The following HGD variants were observed in gnomAD, a reference collection of about 807,000 sequenced individuals.
HGD encodes the protein homogentisate oxidase.
Under a neutral mutation model 60.8 loss-of-function variants are expected in HGD, and 61 were observed. The observed-to-expected ratio is 1.00, with a 90% CI of 0.82 to 1.24. The LOEUF is 1.24. Ranked by LOEUF, HGD falls within the 50% of genes most tolerant of loss-of-function variation. HGD has a pLI of 0.00. For synonymous variants in HGD, 212 were observed against 187.7 expected (o/e 1.13, Z -1.06); for missense variants, 542 against 547.1 (o/e 0.99, Z 0.09).
intron 4 of HGD, among the ~76,000 whole-genome samples, chr3:120,657,095 A>G (rs1941522383): frequency 6.6e-6 from 1 of 152,216 alleles, no homozygotes; most frequent in Non-Finnish European, 1.5e-5. Context: ...GTCTCCAACT[A>G]AAATTGTGGA....
At chr3:120,679,884 T>G (rs1291505487) in intron 1 of HGD, among the ~76,000 whole-genome samples, 1 of 152,214 alleles carries the variant, frequency 6.6e-6, no homozygotes, top group African/African-American at 2.4e-5. Flanking sequence ...CCTCCACAAC[T>G]TCAAGATAAT....
chr3:120,649,425 G>A (rs540216415), intron 6 of HGD, among the ~76,000 whole-genome samples: 1 of 152,116 alleles, frequency 6.6e-6, no homozygotes, highest in South Asian at 2.1e-4. Flanking sequence ...TTACAGGCGT[G>A]ATCCACTGTG....
intron 3 of HGD, 132 bp from the exon 4 acceptor site, chr3:120,670,664 G>C: frequency 1.4e-6 from 1 of 716,546 alleles, no homozygotes; most frequent in East Asian, 2.6e-5. Flanking sequence ...GTGTGAAGCA[G>C]TGAAGCAATG....
intron 4 of HGD, among the ~76,000 whole-genome samples, chr3:120,664,813 G>A (rs543563744): frequency 1.3e-5 from 2 of 152,274 alleles, no homozygotes; most frequent in South Asian, 2.1e-4. Flanking sequence ...CAAAAAGAAA[G>A]GACTGGAAAG....
At chr3:120,633,583 G>A in intron 12 of HGD, 1 of 1,429,562 alleles carries the variant, frequency 7.0e-7, no homozygotes, top group Non-Finnish European at 9.3e-7. Context: ...ACAGGAATCA[G>A]GCTAGATCTA....
At chr3:120,677,117 T>G (rs984564813) in intron 1 of HGD, among the ~76,000 whole-genome samples, 2 of 152,220 alleles carry the variant, frequency 1.3e-5, no homozygotes, top group African/African-American at 4.8e-5. Flanking sequence ...GAGGAGGATG[T>G]ATATTGCCTC....
Position 120,670,531 on chromosome 3 carries a change from A to C in HGD, c.178T>G (p.Trp60Gly). The change falls in exon 4 of 14, where the codon TGG (tryptophan) becomes GGG (glycine). Residue 60 changes from tryptophan to glycine, a missense_variant and splice_region_variant. Coordinates refer to ENST00000283871, the MANE Select transcript of HGD (RefSeq NM_000187.4). ...ACTGAAGGTAGAATCCTATACAGCCAGCTAGAGGGAAAAACATACAAGATA... is the reference window on the plus strand; with the variant it reads ...ACTGAAGGTAGAATCCTATACAGCCCGCTAGAGGGAAAAACATACAAGATA... The part of the protein sequence containing the change: ...TCPRSTNKRS[W>G]LYRILPSVSH... 1.3e-6 allele frequency: 2 copies of C among 1,546,358 alleles called. No individual in the cohort carries two copies. Among genetic ancestry groups the C allele is most frequent in the Non-Finnish European group, 1.8e-6 (2 of 1,118,278 alleles).
At chr3:120,639,366 C>T (rs1369339360) in intron 11 of HGD, among the ~76,000 whole-genome samples, 1 of 152,228 alleles carries the variant, frequency 6.6e-6, no homozygotes, top group African/African-American at 2.4e-5. Context: ...ATCCATGTTG[C>T]TGCAAACGGA....
Position 120,647,903 on chromosome 3 carries a change from TA to T in HGD, c.442del (p.Tyr148ThrfsTer8). 6.2e-7 allele frequency: 1 copy of T among 1,611,018 alleles called. No homozygotes were observed. ...CNTSMENRCF[Y>X]NSDGDFLIVP... Reference sequence around the variant, plus strand: ...AATCAAGAAGTCCCCATCTGAATTGTAAAAGCATCTGAAACATATAGAGTAA... The same window carrying T: ...AATCAAGAAGTCCCCATCTGAATTGTAAAGCATCTGAAACATATAGAGTAA... On this transcript the variant is annotated frameshift_variant, in exon 7 of 14. Coordinates refer to ENST00000283871, the MANE Select transcript of HGD (RefSeq NM_000187.4). LOFTEE classifies it high-confidence loss of function.
At chr3:120,628,997 G>A (rs546100922) in intron 13 of HGD, among the ~76,000 whole-genome samples, 6 of 152,264 alleles carry the variant, frequency 3.9e-5, no homozygotes, top group African/African-American at 1.2e-4. Flanking sequence ...ACAAGTCATC[G>A]CAGAACTGGG....
chr3:120,634,970 G>C (rs1940712579), intron 12 of HGD, among the ~76,000 whole-genome samples: 1 of 152,182 alleles, frequency 6.6e-6, no homozygotes, highest in Non-Finnish European at 1.5e-5. Flanking sequence ...TTTAAAAACA[G>C]TTCAGCTCAT....
rs189180167 is a variant in HGD at position 120,647,263 on chromosome 3, G to A, written c.470-211C>T. On this transcript the variant is annotated intron_variant, in intron 7 of 13. Coordinates refer to ENST00000283871, the MANE Select transcript of HGD (RefSeq NM_000187.4). ...AATAAAACAATGACTCTGCTTTTTTGGTCACCAGGCAAGGAACTTGTATAT... is the reference window on the plus strand; with the variant it reads ...AATAAAACAATGACTCTGCTTTTTTAGTCACCAGGCAAGGAACTTGTATAT... Among the ~76,000 whole-genome samples the A allele has an allele frequency of 6.6e-4, 100 of 152,060 alleles. 2 individuals are homozygous for A. The East Asian group carries it at 0.018, about 28-fold the overall frequency.
chr3:120,641,550 G>T, intron 11 of HGD, 39 bp downstream of exon 11: 2 of 1,294,408 alleles, frequency 1.5e-6, no homozygotes, highest in Non-Finnish European at 2.3e-6. Flanking sequence ...CCACCCAAGC[G>T]TTGCCTCATC....
In HGD at chr3:120,633,278, T is replaced by G. The variant is rs1274142542; in HGVS notation, c.1057A>C (p.Lys353Gln). 1 of 1,614,134 alleles carries G rather than the reference T, an allele frequency of 6.2e-7. No individual in the cohort carries two copies. The highest frequency in any genetic ancestry group is 8.5e-7 in the Non-Finnish European group (1 of 1,180,020). Reference sequence around the variant, plus strand: ...CCCCCTGGCAGGAACCCACCTTGCTTTGCCTCATAGTGACCTCGGATGAGT... The same window carrying G: ...CCCCCTGGCAGGAACCCACCTTGCTGTGCCTCATAGTGACCTCGGATGAGT... ...MGLIRGHYEA[K>Q]QGGFLPGGGS... is the part of the protein sequence containing the mutation. The change falls in exon 13 of 14, where the codon AAG becomes CAG. Residue 353 changes from lysine to glutamine, a missense_variant. Lys to Gln is a moderately conservative substitution (Grantham distance 53, BLOSUM62 1). Around this residue, in one of 2 missense-constraint regions of HGD, gnomAD observed 537 missense variants for 529.1 expected, o/e 1.01. Transcript: ENST00000283871.
chr3:120,675,909 G>C (rs1488608722), intron 1 of HGD, 46 bp from the exon 2 acceptor site: 4 of 1,473,334 alleles, frequency 2.7e-6, no homozygotes, highest in Non-Finnish European at 3.8e-6. Context: ...AGGATTTAAA[G>C]AGCATTTCAG....
chr3:120,641,700 A>T lies in HGD; in HGVS notation c.775-7T>A, dbSNP rs747297821. On this transcript the variant is annotated splice_polypyrimidine_tract_variant and splice_region_variant and intron_variant, in intron 10 of 13. Coordinates refer to ENST00000283871, the MANE Select transcript of HGD (RefSeq NM_000187.4). Reference sequence around the variant, plus strand: ...CATTGAACGGGGAGACATCCTAAACACAAAAAGCAGGAAAGGATAATTTTA... The same window carrying T: ...CATTGAACGGGGAGACATCCTAAACTCAAAAAGCAGGAAAGGATAATTTTA... The T allele has an allele frequency of 7.5e-6, 12 of 1,592,860 alleles. No homozygotes were observed. The highest frequency in any genetic ancestry group is 1.0e-5 in the Non-Finnish European group (12 of 1,160,612).
At chr3:120,643,250 A>T (rs1352092129) in intron 10 of HGD, among the ~76,000 whole-genome samples, 1 of 152,118 alleles carries the variant, frequency 6.6e-6, no homozygotes, top group Non-Finnish European at 1.5e-5. Flanking sequence ...CAGCCTCCCA[A>T]GTAGCTAGGA....
At chr3:120,638,397 C>T in intron 12 of HGD, 58 bp downstream of exon 12, 1 of 1,606,450 alleles carries the variant, frequency 6.2e-7, no homozygotes. Context: ...ATGTGTAGCG[C>T]TCACTGCTTT....
intron 7 of HGD, among the ~76,000 whole-genome samples, chr3:120,647,455 C>T (rs139385521): frequency 2.6e-5 from 4 of 152,158 alleles, no homozygotes; most frequent in African/African-American, 9.6e-5. Flanking sequence ...ATAGGCAGAC[C>T]AGAACAATCT....
Sources: gnomAD v4.1 joint callset for allele counts (sites outside exome capture counted in the v4.1 genomes callset) on GRCh38, gnomAD v4.1.1 for gene constraint, gnomAD v4.1.1 regional missense constraint, MANE v1.5 for transcripts, NCBI Gene and HGNC (gene_info 2026-07-23, HGNC 2026-07-21) for gene names.